PATJ: variants seen among roughly 807,000 people sequenced by gnomAD.
PATJ encodes PATJ crumbs cell polarity complex component.
In PATJ, 190 loss-of-function variants were observed where a neutral mutation model predicts 224.9. That is an observed-to-expected ratio of 0.84 (90% confidence interval 0.75 to 0.95). The LOEUF is 0.95. PATJ is among the 40% of genes least tolerant of loss of function. The pLI is 0.00. For missense variants in PATJ, 2,121 were observed against 2,270.3 expected, an observed-to-expected ratio of 0.93 and a Z score of 1.34; for synonymous variants, 769 against 820.3, an observed-to-expected ratio of 0.94 and a Z score of 1.07.
Position 62,128,053 on chromosome 1 carries a change from A to G in PATJ, c.5125A>G (p.Ile1709Val). 2 of 1,614,164 alleles carry G rather than the reference A, an allele frequency of 1.2e-6. No individual in the cohort carries two copies. The highest frequency in any genetic ancestry group is 1.7e-6 in the Non-Finnish European group (2 of 1,180,012). The change falls in exon 40 of 44, where the codon ATT becomes GTT. Residue 1709 changes from isoleucine (I) to valine (V), a missense_variant. Ile to Val is a conservative substitution (Grantham distance 29). Transcript: ENST00000642238. ...AGATATCCCCGTATTTATTGCCATGATTCAGGCTAGCGGAGTGGCCGCACG... is the reference window on the plus strand; with the variant it reads ...AGATATCCCCGTATTTATTGCCATGGTTCAGGCTAGCGGAGTGGCCGCACG... The part of the protein sequence containing the change: ...LGDIPVFIAM[I>V]QASGVAARTQ...
At chr1:62,055,937 G>A (rs996424366) in intron 31 of PATJ, among the ~76,000 whole-genome samples, 12 of 152,172 alleles carry the variant, frequency 7.9e-5, no homozygotes, top group Non-Finnish European at 1.6e-4. Context: ...TGAGAACCAG[G>A]GGGCTGCTGA....
At chr1:61,758,207 G>A (rs144317291) in intron 1 of PATJ, among the ~76,000 whole-genome samples, 10 of 152,258 alleles carry the variant, frequency 6.6e-5, no homozygotes, top group Non-Finnish European at 1.0e-4. Context: ...TCTTGGAGGA[G>A]CCCCCAGCCA....
chr1:61,879,466 T>C (rs1667787379), intron 21 of PATJ, among the ~76,000 whole-genome samples: 2 of 152,204 alleles, frequency 1.3e-5, no homozygotes, highest in African/African-American at 4.8e-5. Flanking sequence ...TTTGAAGCTG[T>C]GCTGTTTGGA....
chr1:62,146,414 G>A (rs1668041018), intron 41 of PATJ, among the ~76,000 whole-genome samples: 1 of 152,170 alleles, frequency 6.6e-6, no homozygotes, highest in East Asian at 1.9e-4. Context: ...AAACATCCTA[G>A]CCGCTATGGA....
At chr1:61,787,080 T>C (rs1359841382) in intron 7 of PATJ, among the ~76,000 whole-genome samples, 2 of 152,158 alleles carry the variant, frequency 1.3e-5, no homozygotes, top group Non-Finnish European at 2.9e-5. Flanking sequence ...CCCAAGCTAT[T>C]GTGGATTATT....
chr1:61,782,132 A>T (rs887270542), intron 7 of PATJ, among the ~76,000 whole-genome samples: 3 of 152,238 alleles, frequency 2.0e-5, no homozygotes, highest in Admixed American at 2.0e-4. Flanking sequence ...GAATGGTGAG[A>T]ACCCTCACAG....
chr1:61,900,778 A>G (rs1671045060), intron 23 of PATJ, among the ~76,000 whole-genome samples: 1 of 152,066 alleles, frequency 6.6e-6, no homozygotes, highest in Admixed American at 6.6e-5. Context: ...TTTAGTAGAG[A>G]CGGGGTTTCA....
At chr1:62,119,705 C>T (rs572637476) in intron 37 of PATJ, among the ~76,000 whole-genome samples, 4 of 152,218 alleles carry the variant, frequency 2.6e-5, no homozygotes, top group African/African-American at 7.2e-5. Flanking sequence ...ACTGGGAGTT[C>T]GAGGCGGGCA....
At position 61,856,135 on chromosome 1, in the gene PATJ, G is replaced by A; in HGVS notation, c.2218G>A (p.Val740Ile). Reference sequence around the variant, plus strand: ...ATTACCTGGAGACCGCCTGGTCTCAGTCAATGAATACTGTTTGGACAACAC... The same window carrying A: ...ATTACCTGGAGACCGCCTGGTCTCAATCAATGAATACTGTTTGGACAACAC... ...GLLPGDRLVS[V>I]NEYCLDNTSL... Residue 740 changes from valine to isoleucine, a missense_variant, in exon 18 of 44, where the codon GTC becomes ATC. By Grantham distance (29) the Val-to-Ile change is conservative. Transcript: ENST00000642238. 6.2e-7 allele frequency: 1 copy of A among 1,614,016 alleles called. No individual in the cohort carries two copies. The highest frequency in any genetic ancestry group is 1.1e-5 in the South Asian group (1 of 91,078).
At chr1:62,110,556 G>C (rs1178855108) in intron 34 of PATJ, among the ~76,000 whole-genome samples, 1 of 152,120 alleles carries the variant, frequency 6.6e-6, no homozygotes, top group Non-Finnish European at 1.5e-5. Context: ...TAATGTTTTG[G>C]CATGGCAAGA....
At chr1:62,149,361 C>T (rs1049428560) in intron 42 of PATJ, among the ~76,000 whole-genome samples, 9 of 152,078 alleles carry the variant, frequency 5.9e-5, no homozygotes, top group Non-Finnish European at 1.2e-4. Flanking sequence ...CTAGTAGGTG[C>T]TCAATAAATG....
intron 31 of PATJ, among the ~76,000 whole-genome samples, chr1:62,062,608 C>G (rs950144217): frequency 6.7e-6 from 1 of 150,228 alleles, no homozygotes; most frequent in Non-Finnish European, 1.5e-5. Flanking sequence ...AGCAATCCTC[C>G]CACATCAGCC....
Position 61,929,795 on chromosome 1 carries a change from G to A in PATJ, c.3670+1966G>A, listed in dbSNP as rs944374673. 3.3e-5 allele frequency among the ~76,000 whole-genome samples: 5 copies of A among 152,212 alleles called. No individual in the cohort carries two copies. The East Asian group carries it at 7.7e-4, about 24-fold the overall frequency. On this transcript the variant is annotated intron_variant, in intron 27 of 43. Transcript: ENST00000642238. ...AGCACTTTGGGAGGCCGAGGCAGAC[G>A]GCTTACCTGAAGTCAGGAGTTCAAG...
At chr1:61,857,612 T>C (rs899072394) in intron 18 of PATJ, among the ~76,000 whole-genome samples, 2 of 152,232 alleles carry the variant, frequency 1.3e-5, no homozygotes, top group Admixed American at 6.5e-5. Context: ...CTGGCTTTGC[T>C]ATGAGTTAGC....
intron 11 of PATJ, among the ~76,000 whole-genome samples, chr1:61,801,029 G>A (rs527647141): frequency 1.2e-4 from 18 of 152,198 alleles, no homozygotes; most frequent in African/African-American, 3.1e-4. Context: ...GGATAATGCC[G>A]CAATAAACAT....
intron 21 of PATJ, among the ~76,000 whole-genome samples, chr1:61,879,840 TTTTTTC>T (rs1667844815): frequency 6.6e-6 from 1 of 151,658 alleles, no homozygotes; most frequent in Admixed American, 6.6e-5. Flanking sequence ...TCTATTTTTT[TTTTTTC>T]TTTTTCTTTT....
intron 22 of PATJ, among the ~76,000 whole-genome samples, chr1:61,892,678 G>A (rs911589637): frequency 2.0e-5 from 3 of 152,102 alleles, no homozygotes; most frequent in Non-Finnish European, 2.9e-5. Context: ...TTTCTTTAAA[G>A]CAGTATTTGG....
At chr1:61,801,407 A>T (rs1462676621) in intron 11 of PATJ, among the ~76,000 whole-genome samples, 1 of 152,140 alleles carries the variant, frequency 6.6e-6, no homozygotes, top group Admixed American at 6.5e-5. Context: ...TCCATTAATA[A>T]GTTCATTTTT....
chr1:61,839,017 A>G (rs1660660100), intron 17 of PATJ, among the ~76,000 whole-genome samples: 2 of 152,330 alleles, frequency 1.3e-5, no homozygotes, highest in South Asian at 2.1e-4. Flanking sequence ...AGAAGTGAAG[A>G]AACTGAGGCA....
Sources: gnomAD v4.1 joint callset for allele counts (sites outside exome capture counted in the v4.1 genomes callset) on GRCh38, gnomAD v4.1.1 for gene constraint, MANE v1.5 for transcripts, NCBI Gene and HGNC (gene_info 2026-07-23, HGNC 2026-07-21) for gene names.